SNX10: variants seen among roughly 807,000 people sequenced by gnomAD.
SNX10 encodes sorting nexin 10.
SNX10 carries 25 observed loss-of-function variants against 28.5 expected under a neutral mutation model. The ratio of observed to expected loss-of-function variants is 0.88; its 90% CI spans 0.64 to 1.22. SNX10 has a LOEUF of 1.22. Ranked by LOEUF, SNX10 falls within the 50% of genes most tolerant of loss-of-function variation. SNX10 has a pLI of 0.00. For missense variants in SNX10, 223 were observed against 242.6 expected (o/e 0.92, Z 0.54); for synonymous variants, 62 against 81.4 (o/e 0.76, Z 1.28).
At chr7:26,347,543 C>T (rs531781051) in intron 2 of SNX10, among the ~76,000 whole-genome samples, 113 of 152,208 alleles carry the variant, frequency 7.4e-4, no homozygotes, top group African/African-American at 2.7e-3. Flanking sequence ...CTGTCTCAAA[C>T]GAAAAACCAA....
At chr7:26,292,565 C>G (rs1363736665) in intron 1 of SNX10, among the ~76,000 whole-genome samples, 3 of 151,926 alleles carry the variant, frequency 2.0e-5, no homozygotes, top group Non-Finnish European at 4.4e-5. Flanking sequence ...GGAGAAGGCC[C>G]AGGGGAAAAT....
At chr7:26,305,433 T>C (rs1351747906) in intron 1 of SNX10, among the ~76,000 whole-genome samples, 2 of 152,182 alleles carry the variant, frequency 1.3e-5, no homozygotes, top group Non-Finnish European at 2.9e-5. Context: ...TAGCAGCTCT[T>C]ATTGTAGAGT....
At chr7:26,310,135 T>C (rs900939921) in intron 1 of SNX10, among the ~76,000 whole-genome samples, 2 of 152,170 alleles carry the variant, frequency 1.3e-5, no homozygotes, top group Non-Finnish European at 2.9e-5. Flanking sequence ...CTTTCTTTCC[T>C]CACAAGACGA....
intron 1 of SNX10, among the ~76,000 whole-genome samples, chr7:26,292,374 AG>A (rs1274523628): frequency 6.6e-6 from 1 of 152,136 alleles, no homozygotes; most frequent in East Asian, 1.9e-4. Context: ...GGTGGGGCAG[AG>A]GTGGATTCTA....
intron 1 of SNX10, among the ~76,000 whole-genome samples, chr7:26,302,703 C>G (rs1423086938): frequency 1.3e-5 from 2 of 152,176 alleles, no homozygotes; most frequent in Admixed American, 1.3e-4. Flanking sequence ...TTGCTGCATA[C>G]CCACAAAGGC....
chr7:26,361,191 T>G lies in SNX10; in HGVS notation c.111+130T>G. On this transcript the variant is annotated intron_variant, in intron 3 of 6. Transcript: ENST00000338523. The stretch of plus-strand genomic sequence containing the variant: ...GAATTTGAATGATTACAACTAATGC[T>G]TTTATCTTACATGAACTAGTAAGAT... 3 of 916,660 alleles carry G rather than the reference T, an allele frequency of 3.3e-6. 1 individual carries two copies. The East Asian group carries it at 8.9e-5, about 27-fold the overall frequency. The allele number at this position is 916,660 out of a possible 1,614,324, so 56.8% of individuals were successfully genotyped here. A position where few individuals can be genotyped will look rare whatever the true frequency, so the allele number is the denominator to read the frequency against.
chr7:26,371,413 T>G (rs1789528147), intron 5 of SNX10, among the ~76,000 whole-genome samples: 1 of 152,212 alleles, frequency 6.6e-6, no homozygotes, highest in Non-Finnish European at 1.5e-5. Flanking sequence ...TTGAAAGTTT[T>G]GATGTTTCAT....
chr7:26,307,522 G>T (rs1030446719), intron 1 of SNX10, among the ~76,000 whole-genome samples: 6 of 151,946 alleles, frequency 3.9e-5, no homozygotes, highest in Non-Finnish European at 7.4e-5. Flanking sequence ...ATCTCAGCTC[G>T]CTGCAACCTC....
chr7:26,346,535 G>T, intron 2 of SNX10, 69 bp downstream of exon 2: 1 of 1,175,836 alleles, frequency 8.5e-7, no homozygotes. Context: ...TTCTTCATTT[G>T]CGAACCATAA....
At chr7:26,372,457 C>A in intron 6 of SNX10, 34 bp from the exon 7 acceptor site, 9 of 1,397,224 alleles carry the variant, frequency 6.4e-6, no homozygotes, top group Non-Finnish European at 8.1e-6. Flanking sequence ...CCAATTTCCT[C>A]TTTTTATTAT....
intron 1 of SNX10, among the ~76,000 whole-genome samples, chr7:26,344,195 T>TTTTTGG (rs1788289423): frequency 6.7e-6 from 1 of 150,312 alleles, no homozygotes; most frequent in African/African-American, 2.5e-5. Context: ...TTTTTTTTTT[T>TTTTTGG]GAGATGAGGT....
intron 2 of SNX10, among the ~76,000 whole-genome samples, chr7:26,346,996 G>A (rs3757664): frequency 7.9e-5 from 12 of 152,164 alleles, no homozygotes; most frequent in African/African-American, 2.6e-4. Flanking sequence ...TGCCAGCCCC[G>A]GCTGAGTGTC....
At chr7:26,295,742 C>A (rs1184508501) in intron 1 of SNX10, among the ~76,000 whole-genome samples, 1 of 152,206 alleles carries the variant, frequency 6.6e-6, no homozygotes. Flanking sequence ...CCTGGAAGTG[C>A]CTGTCAAAAT....
rs1789042347 is a variant in SNX10 at position 26,360,986 on chromosome 7, T to C, written c.36T>C (p.Ser12=). ...FPEQQKEEFV[S]VWVRDPRIQK... is the part of the protein sequence containing the mutation. ...TGATGCCATTACAGGAATTTGTAAG[T>C]GTCTGGGTTCGAGATCCTAGGATTC... Residue 12 remains serine (S), a synonymous_variant, in exon 3 of 7, where the codon AGT becomes AGC. Transcript: ENST00000338523. 6.2e-7 allele frequency: 1 copy of C among 1,613,366 alleles called. No individual in the cohort carries two copies. Among genetic ancestry groups the C allele is most frequent in the Non-Finnish European group, 8.5e-7 (1 of 1,179,774 alleles).
chr7:26,311,781 A>C (rs928370350), intron 1 of SNX10, among the ~76,000 whole-genome samples: 1 of 152,128 alleles, frequency 6.6e-6, no homozygotes, highest in African/African-American at 2.4e-5. Flanking sequence ...TGGCCCACTT[A>C]AATAAATACT....
At chr7:26,360,839 G>A (rs747056073) in intron 2 of SNX10, 136 bp from the exon 3 acceptor site, 1 of 1,466,202 alleles carries the variant, frequency 6.8e-7, no homozygotes, top group South Asian at 1.4e-5. Context: ...TTTACTTCTT[G>A]TTTTTTAAAG....
intron 1 of SNX10, among the ~76,000 whole-genome samples, chr7:26,329,275 G>A (rs559485104): frequency 1.3e-5 from 2 of 152,158 alleles, no homozygotes; most frequent in Middle Eastern, 3.4e-3. Flanking sequence ...AGGCTCTTTC[G>A]GCCTTGGCTT....
chr7:26,293,251 A>T (rs1342431371), intron 1 of SNX10: 1 of 152,016 alleles, frequency 6.6e-6, no homozygotes, highest in Admixed American at 6.6e-5. Flanking sequence ...CCCAGGCTGG[A>T]TTGCAGTGGT....
At chr7:26,371,702 C>G in intron 5 of SNX10, 119 bp from the exon 6 acceptor site, 1 of 707,572 alleles carries the variant, frequency 1.4e-6, no homozygotes, top group South Asian at 1.9e-5. Flanking sequence ...ATAATTGATA[C>G]AAAGTTTACC....
Sources: allele counts gnomAD v4.1 joint callset (sites outside exome capture counted in the v4.1 genomes callset), GRCh38; gene constraint gnomAD v4.1.1; transcripts MANE v1.5; gene names NCBI Gene and HGNC (gene_info 2026-07-23, HGNC 2026-07-21).